The following NTM variants were observed in gnomAD, a reference collection of about 807,000 sequenced individuals.
The protein encoded by NTM is neurotrimin.
Under a neutral mutation model 42.1 loss-of-function variants are expected in NTM, and 13 were observed. The observed-to-expected ratio is 0.31, with a 90% CI of 0.20 to 0.49. NTM has a LOEUF of 0.49. NTM is among the 20% of genes least tolerant of loss of function. The pLI is 0.99. For synonymous variants in NTM, 187 were observed against 179.2 expected (o/e 1.04, Z -0.35); for missense variants, 373 against 452.8 (o/e 0.82, Z 1.60).
intron 4 of NTM, among the ~76,000 whole-genome samples, chr11:132,278,706 C>T (rs1336333531): frequency 6.7e-6 from 1 of 150,372 alleles, no homozygotes. Context: ...TTACAGTTCT[C>T]CTCCTTTGGA....
intron 2 of NTM, among the ~76,000 whole-genome samples, chr11:131,934,747 C>T (rs896611477): frequency 1.3e-5 from 2 of 152,130 alleles, no homozygotes; most frequent in Non-Finnish European, 2.9e-5. Flanking sequence ...GATCTGAGAG[C>T]AGGACACCGC....
chr11:132,282,765 A>G (rs1164421763), intron 4 of NTM, among the ~76,000 whole-genome samples: 1 of 151,942 alleles, frequency 6.6e-6, no homozygotes, highest in Non-Finnish European at 1.5e-5. Flanking sequence ...TTTAAGAGAG[A>G]AACATAATCT....
At chr11:132,082,448 C>A (rs908677573) in intron 2 of NTM, among the ~76,000 whole-genome samples, 24 of 152,194 alleles carry the variant, frequency 1.6e-4, no homozygotes, top group African/African-American at 5.5e-4. Context: ...GCATGCAGGT[C>A]CTTAGTCTTC....
At chr11:131,547,541 CTCT>C (rs1410316465) in intron 1 of NTM, among the ~76,000 whole-genome samples, 3 of 152,078 alleles carry the variant, frequency 2.0e-5, no homozygotes, top group East Asian at 1.9e-4. Flanking sequence ...TGAAGTCCTG[CTCT>C]TCTTAGAGTC....
intron 1 of NTM, among the ~76,000 whole-genome samples, chr11:131,839,699 A>G (rs926035825): frequency 2.0e-5 from 3 of 152,194 alleles, no homozygotes; most frequent in African/African-American, 7.2e-5. Context: ...ACTTGAAAAG[A>G]CTCATGGATT....
At chr11:131,616,839 T>C (rs1285999779) in intron 1 of NTM, among the ~76,000 whole-genome samples, 1 of 151,738 alleles carries the variant, frequency 6.6e-6, no homozygotes, top group Non-Finnish European at 1.5e-5. Flanking sequence ...CCTACAGCTG[T>C]TTTAATGAAT....
intron 1 of NTM, among the ~76,000 whole-genome samples, chr11:131,572,365 A>G (rs987955069): frequency 1.8e-4 from 28 of 152,136 alleles, no homozygotes; most frequent in South Asian, 6.2e-4. Flanking sequence ...CCCCCTAAGG[A>G]CACTCTTAGG....
intron 1 of NTM, among the ~76,000 whole-genome samples, chr11:131,896,679 CT>C (rs71067345): frequency 0.083 from 8,359 of 100,580 alleles, 169 homozygotes; most frequent in African/African-American, 0.17. Flanking sequence ...ACATTTTAGG[CT>C]TTTTTTTTTT....
intron 2 of NTM, among the ~76,000 whole-genome samples, chr11:132,039,865 C>T (rs1042725829): frequency 6.6e-6 from 1 of 152,154 alleles, no homozygotes; most frequent in African/African-American, 2.4e-5. Flanking sequence ...CCATATTCAC[C>T]TCATCGAGAA....
intron 1 of NTM, among the ~76,000 whole-genome samples, chr11:131,776,583 T>TA (rs202159999): frequency 3.4e-4 from 47 of 136,876 alleles, no homozygotes; most frequent in South Asian, 1.6e-3. Flanking sequence ...ATTTTAGACA[T>TA]TTTTTTTTTT....
intron 1 of NTM, among the ~76,000 whole-genome samples, chr11:131,651,617 G>A (rs1230266626): frequency 6.6e-6 from 1 of 152,086 alleles, no homozygotes; most frequent in Non-Finnish European, 1.5e-5. Flanking sequence ...CGAGGCAGGT[G>A]GATCATGAGG....
intron 1 of NTM, among the ~76,000 whole-genome samples, chr11:131,734,890 A>T (rs2080212110): frequency 6.6e-6 from 1 of 152,234 alleles, no homozygotes; most frequent in Non-Finnish European, 1.5e-5. Flanking sequence ...AATAATTAAA[A>T]TAACACCAAG....
chr11:131,833,764 A>G (rs1190186642), intron 1 of NTM, among the ~76,000 whole-genome samples: 2 of 152,204 alleles, frequency 1.3e-5, no homozygotes, highest in African/African-American at 2.4e-5. Flanking sequence ...AGGATAGCCT[A>G]GTGGTTAAAG....
Position 132,146,018 on chromosome 11 carries a change from G to A in NTM, c.168-264G>A, listed in dbSNP as rs181536862. Reference sequence around the variant, plus strand: ...TATCCAGCCATCCTGGGCATGCAAGGTACCTCTAGGTTATAACTGAGATCG... The same window carrying A: ...TATCCAGCCATCCTGGGCATGCAAGATACCTCTAGGTTATAACTGAGATCG... On this transcript the variant is annotated intron_variant, in intron 2 of 8. Transcript: ENST00000683400. This position sits in a 1 kb window ranked among gnomAD's most constrained non-coding sequence, Gnocchi z 4.5. 6.6e-6 allele frequency among the ~76,000 whole-genome samples: 1 copy of A among 152,190 alleles called. No homozygotes were observed. Among genetic ancestry groups the A allele is most frequent in the South Asian group, 2.1e-4 (1 of 4,826 alleles).
chr11:131,834,737 A>G (rs1215505670), intron 1 of NTM, among the ~76,000 whole-genome samples: 1 of 151,550 alleles, frequency 6.6e-6, no homozygotes, highest in African/African-American at 2.4e-5. Context: ...TTATGTCACT[A>G]AACACAGTTC....
At chr11:131,821,216 G>A (rs1020886584) in intron 1 of NTM, among the ~76,000 whole-genome samples, 3 of 152,140 alleles carry the variant, frequency 2.0e-5, no homozygotes, top group East Asian at 3.9e-4. Flanking sequence ...CTGTCAAGAA[G>A]CATTACCATC....
chr11:131,626,099 T>G (rs956565177), intron 1 of NTM, among the ~76,000 whole-genome samples: 1 of 152,190 alleles, frequency 6.6e-6, no homozygotes, highest in East Asian at 1.9e-4. Context: ...ATTTATTTAT[T>G]AAAATAAATT....
intron 2 of NTM, among the ~76,000 whole-genome samples, chr11:132,083,249 A>G (rs1373810892): frequency 1.3e-5 from 2 of 152,214 alleles, no homozygotes; most frequent in Non-Finnish European, 2.9e-5. Context: ...TTTAATGACA[A>G]ATCTATGATT....
At chr11:131,827,153 A>G (rs2042234999) in intron 1 of NTM, among the ~76,000 whole-genome samples, 1 of 152,206 alleles carries the variant, frequency 6.6e-6, no homozygotes. Context: ...GTCTATTTGG[A>G]AAGGGGAAAA....
Sources: allele counts gnomAD v4.1 joint callset (sites outside exome capture counted in the v4.1 genomes callset), GRCh38; gene constraint gnomAD v4.1.1; non-coding constraint Gnocchi (gnomAD v3.1); transcripts MANE v1.5; gene names NCBI Gene and HGNC (gene_info 2026-07-23, HGNC 2026-07-21).